Variants in PACRGL observed in about 807,000 individuals in gnomAD.
PACRGL encodes the protein parkin coregulated like, also known as PACRG-like protein.
Under a neutral mutation model 34.5 loss-of-function variants are expected in PACRGL, and 38 were observed. The observed-to-expected ratio is 1.10, with a 90% CI of 0.85 to 1.44. The LOEUF is 1.44. Among genes scored for constraint, PACRGL ranks in the 40% most tolerant of loss-of-function variants. The probability of loss-of-function intolerance (pLI) is 0.00; values close to 1 mark genes in which losing one functional copy is unlikely to be tolerated. For missense variants in PACRGL, 305 were observed against 281.4 expected (o/e 1.08, Z -0.60); for synonymous variants, 128 against 100.1 (o/e 1.28, Z -1.66).
intron 1 of PACRGL, chr4:20,701,960 A>G (rs1409825512): frequency 2.2e-6 from 1 of 454,636 alleles, no homozygotes; most frequent in South Asian, 1.6e-5. Context: ...TTGAAAGGGG[A>G]TGTAGACGTG....
At chr4:20,724,741 CT>C in intron 7 of PACRGL, 66 bp from the exon 8 acceptor site, 6 of 842,656 alleles carry the variant, frequency 7.1e-6, no homozygotes, top group Non-Finnish European at 9.8e-6. Flanking sequence ...TGAAGATTTA[CT>C]TATGCGTATG....
chr4:20,698,321 C>T (rs1731322964), upstream of PACRGL, among the ~76,000 whole-genome samples: 1 of 152,188 alleles, frequency 6.6e-6, no homozygotes, highest in South Asian at 2.1e-4. Context: ...TCATCCCATT[C>T]TCTCTTAAAT....
upstream of PACRGL, among the ~76,000 whole-genome samples, chr4:20,697,054 A>G (rs187930803): frequency 7.2e-5 from 11 of 152,328 alleles, no homozygotes; most frequent in African/African-American, 2.4e-4. Context: ...TCACTTTTCT[A>G]TTGGACAATG....
chr4:20,747,163 A>G (rs1294704737), intron 8 of PACRGL, among the ~76,000 whole-genome samples: 1 of 152,234 alleles, frequency 6.6e-6, no homozygotes, highest in Non-Finnish European at 1.5e-5. Flanking sequence ...ATATTATAAA[A>G]GCAATGTTAT....
Position 20,727,453 on chromosome 4 carries a change from C to A in PACRGL, c.*112C>A. 2.3e-6 allele frequency: 2 copies of A among 875,510 alleles called. No homozygotes were observed. The highest frequency in any genetic ancestry group is 3.6e-6 in the Non-Finnish European group (2 of 550,060). 54.2% of individuals were successfully genotyped at this position (875,510 alleles called of 1,614,324 possible). ...AATCACAGCCACCATTCATTATTTA[C>A]TAGGTTAAGATGAATAGACACTGAA... On this transcript the variant is annotated 3_prime_UTR_variant, in exon 9 of 9. Coordinates refer to ENST00000503585, the MANE Select transcript of PACRGL (RefSeq NM_001258345.3).
chr4:20,737,072 A>G (rs1003288117), downstream of PACRGL, among the ~76,000 whole-genome samples: 4 of 152,228 alleles, frequency 2.6e-5, no homozygotes, highest in Non-Finnish European at 5.9e-5. Flanking sequence ...TAATCTCAAT[A>G]TATGGTGCTG....
At chr4:20,740,373 C>A (rs942897352) in intron 8 of PACRGL, among the ~76,000 whole-genome samples, 1 of 152,130 alleles carries the variant, frequency 6.6e-6, no homozygotes, top group Non-Finnish European at 1.5e-5. Flanking sequence ...AGACTAACAG[C>A]GGAACTCTCG....
At chr4:20,764,681 GACACACAC>G in the PACRGL span, among the ~76,000 whole-genome samples, 2 of 147,108 alleles carry the variant, frequency 1.4e-5, no homozygotes, top group African/African-American at 5.1e-5. Flanking sequence ...ATGGGAATTG[GACACACAC>G]ACACACACAC....
Position 20,730,172 on chromosome 4 carries a change from CA to C in PACRGL, c.*2833del. 1.3e-6 allele frequency: 2 copies of C among 1,577,554 alleles called. No individual in the cohort carries two copies. The highest frequency in any genetic ancestry group is 8.6e-7 in the Non-Finnish European group (1 of 1,163,232). ...AGAGCGATTAAATTCAGCATATCTG[CA>C]AGGAAAAGTACACTATTTTGCCCCT... is the stretch of plus-strand genomic sequence containing the variant. On this transcript the variant is annotated 3_prime_UTR_variant, in exon 9 of 9. Coordinates refer to ENST00000503585, the MANE Select transcript of PACRGL (RefSeq NM_001258345.3).
chr4:20,708,966 A>T (rs1017078260), intron 4 of PACRGL, among the ~76,000 whole-genome samples: 8 of 37,656 alleles, frequency 2.1e-4, no homozygotes, highest in Admixed American at 1.0e-3. Flanking sequence ...ATCTCTACTT[A>T]AAAAAAAAAA....
In PACRGL at chr4:20,721,433, G is replaced by GT. The variant is rs1393363138; in HGVS notation, c.610-3369dup. ...TTAGAATTTTCAGGTTTTCTGCTCT[G>GT]TTTTTTCCCCATCTTTGTGGTTTTA... is the stretch of plus-strand genomic sequence containing the variant. On this transcript the variant is annotated intron_variant, in intron 7 of 8. Coordinates refer to ENST00000503585, the MANE Select transcript of PACRGL (RefSeq NM_001258345.3). Among the ~76,000 whole-genome samples, 6 of 152,234 alleles carry GT rather than the reference G, an allele frequency of 3.9e-5. No individual in the cohort carries two copies. The East Asian group carries it at 9.7e-4, about 25-fold the overall frequency.
chr4:20,744,146 C>T (rs1348806160), intron 8 of PACRGL, among the ~76,000 whole-genome samples: 1 of 151,010 alleles, frequency 6.6e-6, no homozygotes, highest in Non-Finnish European at 1.5e-5. Context: ...GAAATAGGAA[C>T]ACTTTTGCAC....
At chr4:20,718,445 C>T (rs940814023) in intron 7 of PACRGL, among the ~76,000 whole-genome samples, 46 of 152,234 alleles carry the variant, frequency 3.0e-4, no homozygotes, top group African/African-American at 9.9e-4. Flanking sequence ...TCTACCCATT[C>T]AGTATGATAT....
chr4:20,724,316 G>A (rs1744743290), intron 7 of PACRGL, among the ~76,000 whole-genome samples: 2 of 152,110 alleles, frequency 1.3e-5, no homozygotes, highest in African/African-American at 4.8e-5. Flanking sequence ...GTAAACCTCT[G>A]TGCTATACAG....
downstream of PACRGL, among the ~76,000 whole-genome samples, chr4:20,754,774 C>T (rs1341310315): frequency 1.3e-5 from 2 of 152,082 alleles, no homozygotes; most frequent in Non-Finnish European, 2.9e-5. Flanking sequence ...AAGATGTTCT[C>T]TAATGCAGAA....
rs750670768 is a variant in PACRGL, at chr4:20,707,797, T to G, written c.208-6T>G. The G allele has an allele frequency of 6.2e-7, 1 of 1,612,246 alleles. No individual in the cohort carries two copies. The highest frequency in any genetic ancestry group is 1.1e-5 in the South Asian group (1 of 91,016). On this transcript the variant is annotated splice_region_variant and splice_polypyrimidine_tract_variant and intron_variant, in intron 3 of 8. Coordinates refer to ENST00000503585, the MANE Select transcript of PACRGL (RefSeq NM_001258345.3). ...GTGATAGTAATATTTTCATTTTTTA[T>G]TTTAGTTTGGTGAACAGTCACGAGT...
Position 20,700,538 on chromosome 4 carries a change from G to C in PACRGL, c.-266G>C, listed in dbSNP as rs1731697956. 6.6e-6 allele frequency: 1 copy of C among 152,174 alleles called. No individual in the cohort carries two copies. Among genetic ancestry groups the C allele is most frequent in the African/African-American group, 2.4e-5 (1 of 41,462 alleles). The allele number at this position is 152,174 out of a possible 1,614,324, so 9.4% of individuals were successfully genotyped here. A position where few individuals can be genotyped will look rare whatever the true frequency, so the allele number is the denominator to read the frequency against. On this transcript the variant is annotated 5_prime_UTR_variant, in exon 1 of 9. Transcript: ENST00000503585. Reference sequence around the variant, plus strand: ...TGCCGGTCATAAGCCCCCCCCGGTGGGGGGCAGCTGGTGTGCGGATCGCGG... The same window carrying C: ...TGCCGGTCATAAGCCCCCCCCGGTGCGGGGCAGCTGGTGTGCGGATCGCGG...
chr4:20,710,518 T>C, intron 5 of PACRGL, among the ~76,000 whole-genome samples: 1 of 152,332 alleles, frequency 6.6e-6, no homozygotes, highest in South Asian at 2.1e-4. Context: ...GTTTGGGTGA[T>C]ATTAGTAATA....
At chr4:20,705,240 CCCTCT>C (rs1376044480) in intron 3 of PACRGL, among the ~76,000 whole-genome samples, 3 of 152,120 alleles carry the variant, frequency 2.0e-5, no homozygotes, top group Non-Finnish European at 4.4e-5. Flanking sequence ...ACCTCCTTTG[CCCTCT>C]CCTAACAATT....
Sources: gnomAD v4.1 joint callset for allele counts (sites outside exome capture counted in the v4.1 genomes callset) on GRCh38, gnomAD v4.1.1 for gene constraint, MANE v1.5 for transcripts, NCBI Gene and HGNC (gene_info 2026-07-23, HGNC 2026-07-21) for gene names.